VPS33B: variants seen among roughly 807,000 people sequenced by gnomAD.
VPS33B encodes the protein VPS33B late endosome and lysosome associated.
A neutral mutation model predicts 95.3 loss-of-function variants in VPS33B; 80 were observed. The ratio of observed to expected loss-of-function variants is 0.84; its 90% CI spans 0.70 to 1.01. VPS33B has a LOEUF of 1.01. Ranked by LOEUF, VPS33B falls within the 50% of genes least tolerant of loss-of-function variation. VPS33B has a pLI of 0.00. For missense variants in VPS33B, 715 were observed against 773.4 expected (o/e 0.92, Z 0.90); for synonymous variants, 280 against 280.4 (o/e 1.00, Z 0.01).
rs768648295 is a variant in VPS33B at position 90,999,015 on chromosome 15, C to T, written c.1814G>A (p.Ser605Asn). ...ACTCATGGCCTCCATAAGGCGAGCG[C>T]TGTTTGTGACTGCTGTCGTCAGGAA... is the stretch of plus-strand genomic sequence containing the variant. ...FIFLTTAVTN[S>N]ARLMEAMSEV... Residue 605 changes from serine (S) to asparagine (N), a missense_variant, in exon 23 of 23, where the codon AGC (serine) becomes AAC (asparagine). Physicochemically the swap from Ser to Asn is conservative, Grantham distance 46. Coordinates refer to ENST00000333371, the MANE Select transcript of VPS33B (RefSeq NM_018668.5). This position sits in a 1 kb window ranked among gnomAD's most constrained non-coding sequence, Gnocchi z 5.1. 2 of 1,614,184 alleles carry T rather than the reference C, an allele frequency of 1.2e-6. No homozygotes were observed. The highest frequency in any genetic ancestry group is 8.5e-7 in the Non-Finnish European group (1 of 1,180,028).
chr15:91,017,994 A>G (rs2040992780), intron 1 of VPS33B, 109 bp from the exon 2 acceptor site: 2 of 937,386 alleles, frequency 2.1e-6, no homozygotes, highest in Non-Finnish European at 3.5e-6. Flanking sequence ...GTGGGAGGGC[A>G]CTAAGTATCG....
rs749114229 is a variant in VPS33B at position 91,017,796 on chromosome 15, G to T, written c.177+9C>A. Reference sequence around the variant, plus strand: ...GAGGGGCATGGCCCCCAGGGGAAAGGGACAGTACCTTCAGGATGGAGACAT... The same window carrying T: ...GAGGGGCATGGCCCCCAGGGGAAAGTGACAGTACCTTCAGGATGGAGACAT... On this transcript the variant is annotated intron_variant, in intron 2 of 22. Coordinates refer to ENST00000333371, the MANE Select transcript of VPS33B (RefSeq NM_018668.5). 2.5e-6 allele frequency: 4 copies of T among 1,613,818 alleles called. No individual in the cohort carries two copies. The Admixed American group carries it at 6.7e-5, about 27-fold the overall frequency.
Position 91,007,031 on chromosome 15 carries a change from A to G in VPS33B, c.619T>C (p.Trp207Arg). ...TCCTCCTCCTCCTCCAGGTTCCTCC[A>G]CAATTCATATGCCATCTGCCAGGGC... Reference protein sequence around the residue: ...GRCAKMAYELWRNLEEEEDGE... With the variant: ...GRCAKMAYELRRNLEEEEDGE... Residue 207 changes from tryptophan (W) to arginine (R), a missense_variant, in exon 9 of 23, where the codon TGG (tryptophan) becomes CGG (arginine). Trp to Arg is a moderately radical substitution (Grantham distance 101, BLOSUM62 -3). Coordinates refer to ENST00000333371, the MANE Select transcript of VPS33B (RefSeq NM_018668.5). This position sits in a 1 kb window ranked among gnomAD's most constrained non-coding sequence, Gnocchi z 5.3. The G allele has an allele frequency of 1.9e-6, 3 of 1,612,448 alleles. No homozygotes were observed. The highest frequency in any genetic ancestry group is 4.5e-5 in the East Asian group (2 of 44,884).
intron 19 of VPS33B, chr15:91,001,087 G>GCA (rs1448425049): frequency 2.6e-6 from 1 of 380,428 alleles, no homozygotes; most frequent in Non-Finnish European, 5.0e-6. Context: ...AGGCCGAGGT[G>GCA]GGCGGATCAC....
At position 91,002,009 on chromosome 15, in the gene VPS33B, G is replaced by A. The variant is rs1361034506; in HGVS notation, c.1405+41C>T. ...CATGCTGCGTGTTGAGAGAAGTCAGGACAACAGCTGGAGCAGGGGTCACTT... is the reference window on the plus strand; with the variant it reads ...CATGCTGCGTGTTGAGAGAAGTCAGAACAACAGCTGGAGCAGGGGTCACTT... On this transcript the variant is annotated intron_variant, in intron 18 of 22. Coordinates refer to ENST00000333371, the MANE Select transcript of VPS33B (RefSeq NM_018668.5). This position sits in a 1 kb window ranked among gnomAD's most constrained non-coding sequence, Gnocchi z 4.7. 6.2e-7 allele frequency: 1 copy of A among 1,612,568 alleles called. No homozygotes were observed. The highest frequency in any genetic ancestry group is 1.7e-5 in the Admixed American group (1 of 59,996).
chr15:91,007,668 G>T lies in VPS33B; in HGVS notation c.499-95C>A. On this transcript the variant is annotated intron_variant, in intron 7 of 22. Coordinates refer to ENST00000333371, the MANE Select transcript of VPS33B (RefSeq NM_018668.5). The surrounding 1 kb of genome is among the most constrained non-coding windows in gnomAD (Gnocchi z 5.3). The stretch of plus-strand genomic sequence containing the variant: ...TAGAAGCCCTGGAGCAGGGTGGCAG[G>T]GCCTGGGGGATGCTTGAAAGGTTTT... The T allele has an allele frequency of 7.2e-7, 1 of 1,392,996 alleles. No individual in the cohort carries two copies. Among genetic ancestry groups the T allele is most frequent in the Non-Finnish European group, 1.0e-6 (1 of 982,034 alleles). The allele number at this position is 1,392,996 out of a possible 1,614,324, so 86.3% of individuals were successfully genotyped here.
At chr15:91,014,637 T>A (rs535736960) in intron 3 of VPS33B, among the ~76,000 whole-genome samples, 2 of 152,190 alleles carry the variant, frequency 1.3e-5, no homozygotes, top group Non-Finnish European at 2.9e-5. Flanking sequence ...ATGAGCTGGG[T>A]ACATTACTGG....
Position 91,006,949 on chromosome 15 carries a change from C to G in VPS33B, c.700+1G>C. The G allele has an allele frequency of 6.2e-7, 1 of 1,614,160 alleles. No homozygotes were observed. The highest frequency in any genetic ancestry group is 8.5e-7 in the Non-Finnish European group (1 of 1,180,036). ...TGACAGGAACGCTGGGCATAATTTACCTCTGTCCAAGAGAAAGATATGTCC... is the reference window on the plus strand; with the variant it reads ...TGACAGGAACGCTGGGCATAATTTAGCTCTGTCCAAGAGAAAGATATGTCC... On this transcript the variant is annotated splice_donor_variant, in intron 9 of 22. Coordinates refer to ENST00000333371, the MANE Select transcript of VPS33B (RefSeq NM_018668.5). LOFTEE classifies it high-confidence loss of function. This position sits in a 1 kb window ranked among gnomAD's most constrained non-coding sequence, Gnocchi z 5.4.
chr15:91,006,788 G>C lies in VPS33B; in HGVS notation c.701-59C>G. ...CCTGACCCAGCCTTCTACACAGCAT[G>C]TCCAAGGGCAGCTTTGATACTTTCC... is the stretch of plus-strand genomic sequence containing the variant. On this transcript the variant is annotated intron_variant, in intron 9 of 22. Transcript: ENST00000333371. This position sits in a 1 kb window ranked among gnomAD's most constrained non-coding sequence, Gnocchi z 5.4. 6.2e-7 allele frequency: 1 copy of C among 1,604,838 alleles called. No individual in the cohort carries two copies. The highest frequency in any genetic ancestry group is 2.2e-5 in the East Asian group (1 of 44,818).
Position 91,002,957 on chromosome 15 carries a change from A to C in VPS33B, c.1272+128T>G, listed in dbSNP as rs572833160. On this transcript the variant is annotated intron_variant, in intron 17 of 22. Transcript: ENST00000333371. This position sits in a 1 kb window ranked among gnomAD's most constrained non-coding sequence, Gnocchi z 4.7. ...GGTGACTCTCCCTAGTAGCTCTAAG[A>C]GGGAGGCCTGAATGGAAACAGGAGG... 2.7e-5 allele frequency: 27 copies of C among 1,015,830 alleles called. No individual in the cohort carries two copies. Among genetic ancestry groups the C allele is most frequent in the Non-Finnish European group, 3.6e-5 (23 of 638,724 alleles). 62.9% of individuals were successfully genotyped at this position (1,015,830 alleles called of 1,614,324 possible).
At chr15:91,019,888 C>G (rs945568283) in intron 1 of VPS33B, among the ~76,000 whole-genome samples, 2 of 152,074 alleles carry the variant, frequency 1.3e-5, no homozygotes, top group Non-Finnish European at 2.9e-5. Context: ...TCACCGCAAC[C>G]TCCACCTCCT....
At chr15:91,003,434 T>G (rs2040501136) in intron 16 of VPS33B, among the ~76,000 whole-genome samples, 1 of 152,028 alleles carries the variant, frequency 6.6e-6, no homozygotes, top group Admixed American at 6.6e-5. Flanking sequence ...TGACGACTCA[T>G]GCATTTATTT....
At position 91,006,483 on chromosome 15, in the gene VPS33B, G is replaced by T. The variant is rs1398457374; in HGVS notation, c.779-38C>A. On this transcript the variant is annotated intron_variant, in intron 10 of 22. Transcript: ENST00000333371. The surrounding 1 kb of genome is among the most constrained non-coding windows in gnomAD (Gnocchi z 5.4). ...AGGGACAGCTATTAGGATCTCCAATGAGGACTTCTCCTACCATTCCCTGAA... is the reference window on the plus strand; with the variant it reads ...AGGGACAGCTATTAGGATCTCCAATTAGGACTTCTCCTACCATTCCCTGAA... 1 of 1,613,804 alleles carries T rather than the reference G, an allele frequency of 6.2e-7. No individual in the cohort carries two copies. The highest frequency in any genetic ancestry group is 8.5e-7 in the Non-Finnish European group (1 of 1,179,712).
Position 91,005,690 on chromosome 15 carries a change from C to T in VPS33B, c.1030+4G>A. 6.2e-7 allele frequency: 1 copy of T among 1,614,106 alleles called. No homozygotes were observed. Among genetic ancestry groups the T allele is most frequent in the Non-Finnish European group, 8.5e-7 (1 of 1,180,000 alleles). Reference sequence around the variant, plus strand: ...CCCCTCACGCCCCTCAAGCTGAAACCTACGGAGACTCAGCAGGCGGTGCTC... The same window carrying T: ...CCCCTCACGCCCCTCAAGCTGAAACTTACGGAGACTCAGCAGGCGGTGCTC... On this transcript the variant is annotated splice_donor_region_variant and intron_variant, in intron 13 of 22. Coordinates refer to ENST00000333371, the MANE Select transcript of VPS33B (RefSeq NM_018668.5). This position sits in a 1 kb window ranked among gnomAD's most constrained non-coding sequence, Gnocchi z 6.4.
rs2040782781 is a variant in VPS33B, at chr15:91,011,657, G to C, written c.358-1811C>G. Among the ~76,000 whole-genome samples the C allele has an allele frequency of 6.6e-6, 1 of 152,138 alleles. No individual in the cohort carries two copies. Among genetic ancestry groups the C allele is most frequent in the Non-Finnish European group, 1.5e-5 (1 of 68,024 alleles). On this transcript the variant is annotated intron_variant, in intron 5 of 22. Coordinates refer to ENST00000333371, the MANE Select transcript of VPS33B (RefSeq NM_018668.5). This position sits in a 1 kb window ranked among gnomAD's most constrained non-coding sequence, Gnocchi z 5.5. ...TTCTGTGTAATAGAGAGGCTTGTAG[G>C]ATTATTTTAACTTGTAGGATTATTC...
At position 91,000,404 on chromosome 15, in the gene VPS33B, A is replaced by T. The variant is rs1386493976; in HGVS notation, c.1581+86T>A. The T allele has an allele frequency of 1.2e-5, 16 of 1,334,526 alleles. No individual in the cohort carries two copies. Among genetic ancestry groups the T allele is most frequent in the Middle Eastern group, 3.7e-4 (2 of 5,442 alleles). The allele number at this position is 1,334,526 out of a possible 1,614,324, so 82.7% of individuals were successfully genotyped here. ...AGAGCAAGACTCCATCTCAAATAAA[A>T]AAAAAAAAACATTGAGACACGCCAG... On this transcript the variant is annotated intron_variant, in intron 20 of 22. Transcript: ENST00000333371. The surrounding 1 kb of genome is among the most constrained non-coding windows in gnomAD (Gnocchi z 4.9).
rs1358759281 is a variant in VPS33B, at chr15:91,014,503, GAAA to G, written c.240-73_240-71del. On this transcript the variant is annotated intron_variant, in intron 3 of 22. Coordinates refer to ENST00000333371, the MANE Select transcript of VPS33B (RefSeq NM_018668.5). ...GTTGGATAGCAACTTAGAAGAAACT[GAAA>G]CAATACCAACTCTTTTGCCATTTGC... The G allele has an allele frequency of 2.1e-4, 321 of 1,544,116 alleles. No homozygotes were observed. The African/African-American group carries it at 3.5e-3, about 17-fold the overall frequency.
rs572526422 is a variant in VPS33B at position 91,013,162 on chromosome 15, C to T, written c.357+642G>A. ...TGTTAGGGATACAGAGCAGGTTCTA[C>T]CTCGCAAGCGTGAAGCTTTTCATTT... On this transcript the variant is annotated intron_variant, in intron 5 of 22. Transcript: ENST00000333371. This position sits in a 1 kb window ranked among gnomAD's most constrained non-coding sequence, Gnocchi z 4.5. Among the ~76,000 whole-genome samples the T allele has an allele frequency of 1.3e-5, 2 of 152,294 alleles. No individual in the cohort carries two copies. The highest frequency in any genetic ancestry group is 4.1e-4 in the South Asian group (2 of 4,828).
Position 91,006,758 on chromosome 15 carries a change from T to A in VPS33B, c.701-29A>T, listed in dbSNP as rs1228663223. On this transcript the variant is annotated intron_variant, in intron 9 of 22. Coordinates refer to ENST00000333371, the MANE Select transcript of VPS33B (RefSeq NM_018668.5). The surrounding 1 kb of genome is among the most constrained non-coding windows in gnomAD (Gnocchi z 5.4). ...AAACAGAGATCCCTGACCATGAAGG[T>A]TCTCCCTGACCCAGCCTTCTACACA... 2 of 1,613,764 alleles carry A rather than the reference T, an allele frequency of 1.2e-6. No homozygotes were observed. The highest frequency in any genetic ancestry group is 1.7e-6 in the Non-Finnish European group (2 of 1,179,800).
Sources: gnomAD v4.1 joint callset for allele counts (sites outside exome capture counted in the v4.1 genomes callset) on GRCh38, gnomAD v4.1.1 for gene constraint, Gnocchi (gnomAD v3.1) non-coding constraint, MANE v1.5 for transcripts, NCBI Gene and HGNC (gene_info 2026-07-23, HGNC 2026-07-21) for gene names.